EXPH5: variants seen among roughly 807,000 people sequenced by gnomAD.
EXPH5 encodes the protein exophilin 5.
In EXPH5, 42 loss-of-function variants were observed where a neutral mutation model predicts 41.1. That is an observed-to-expected ratio of 1.02 (90% CI 0.80 to 1.32). EXPH5 has a LOEUF of 1.32. EXPH5 is among the 40% of genes most tolerant of loss of function. EXPH5 has a pLI of 0.00. For synonymous variants in EXPH5, 798 were observed against 833.5 expected (o/e 0.96, Z 0.73); for missense variants, 2,298 against 2,314.5 (o/e 0.99, Z 0.15).
intron 4 of EXPH5, among the ~76,000 whole-genome samples, chr11:108,526,735 A>C (rs2093801968): frequency 6.6e-6 from 1 of 152,184 alleles, no homozygotes; most frequent in South Asian, 2.1e-4. Flanking sequence ...GAGTTCCAAA[A>C]ACCCAGGCTT....
chr11:108,543,434 T>C (rs1677775759), intron 1 of EXPH5, among the ~76,000 whole-genome samples: 3 of 152,204 alleles, frequency 2.0e-5, no homozygotes, highest in African/African-American at 4.8e-5. Context: ...GTTTGAAGAA[T>C]GATGACAAGG....
At chr11:108,537,887 C>T in intron 3 of EXPH5, 1 of 709,402 alleles carries the variant, frequency 1.4e-6, no homozygotes, top group Non-Finnish European at 1.7e-6. Flanking sequence ...GGGCAAGAAA[C>T]ACTTCTCAAT....
the EXPH5 span, among the ~76,000 whole-genome samples, chr11:108,599,576 A>C: frequency 6.6e-6 from 1 of 152,228 alleles, no homozygotes; most frequent in African/African-American, 2.4e-5. Flanking sequence ...AAACTGCTTT[A>C]CAGAAATAAG....
chr11:108,579,329 A>G (rs1245954724), intron 1 of EXPH5, among the ~76,000 whole-genome samples: 1 of 152,032 alleles, frequency 6.6e-6, no homozygotes, highest in Admixed American at 6.5e-5. Context: ...TAACTTGCAT[A>G]TGTTGAACCA....
rs2093914475 is a variant in EXPH5, at chr11:108,541,791, C to T, written c.141G>A (p.Arg47=). The T allele has an allele frequency of 1.3e-6, 2 of 1,598,658 alleles. No individual in the cohort carries two copies. The highest frequency in any genetic ancestry group is 2.3e-5 in the South Asian group (2 of 87,072). Residue 47 remains arginine, a synonymous_variant, in exon 2 of 6, where the codon AGG becomes AGA. Coordinates refer to ENST00000265843, the MANE Select transcript of EXPH5 (RefSeq NM_015065.3). ...TCACTCCCTGAAGCCATCTGATATC[C>T]CTCTTTGTCTTCTGAAGTTTGCTGA... ...DRISKLQKTK[R]DIRWLQGVTG... is the part of the protein sequence containing the mutation.
intron 1 of EXPH5, among the ~76,000 whole-genome samples, chr11:108,571,523 C>T (rs986437562): frequency 1.3e-5 from 2 of 152,090 alleles, no homozygotes; most frequent in Non-Finnish European, 2.9e-5. Context: ...TTTTTTTACT[C>T]TGAGGCGTGA....
chr11:108,578,767 C>T (rs1393220030), intron 1 of EXPH5, among the ~76,000 whole-genome samples: 1 of 151,950 alleles, frequency 6.6e-6, no homozygotes, highest in Non-Finnish European at 1.5e-5. Flanking sequence ...TAAGTTTATT[C>T]CTTTATTTGT....
At position 108,514,121 on chromosome 11, in the gene EXPH5, GAAGA is replaced by G; in HGVS notation, c.1382_1385del (p.Phe461SerfsTer48). The G allele has an allele frequency of 2.5e-6, 4 of 1,613,672 alleles. No homozygotes were observed. The highest frequency in any genetic ancestry group is 3.4e-6 in the Non-Finnish European group (4 of 1,179,824). ...CTCCGCTTCGTCCAAAGGTATTGCT[GAAGA>G]AAGATCTGGTAAATGTGTTGCTTTG... On this transcript the variant is annotated frameshift_variant, in exon 6 of 6. Transcript: ENST00000265843. LOFTEE classifies it low-confidence loss of function (END_TRUNC).
intron 1 of EXPH5, among the ~76,000 whole-genome samples, chr11:108,577,371 T>A (rs2094083269): frequency 6.6e-6 from 1 of 152,152 alleles, no homozygotes; most frequent in Non-Finnish European, 1.5e-5. Flanking sequence ...CATCTGTTAT[T>A]TTCTGTCTTT....
chr11:108,514,230 C>T lies in EXPH5; in HGVS notation c.1277G>A (p.Arg426His), dbSNP rs201566549. The change falls in exon 6 of 6, where the codon CGT (arginine) becomes CAT (histidine). Residue 426 changes from arginine (R) to histidine (H), a missense_variant. Arg to His is a conservative substitution (Grantham distance 29). Coordinates refer to ENST00000265843, the MANE Select transcript of EXPH5 (RefSeq NM_015065.3). ...ESYHSQNVYQ[R>H]VSLNAPMENA... ...CTCCATGGGAGCATTTAAACTAACA[C>T]GTTGGTAAACATTCTGTGAATGGTA... 35 of 1,614,092 alleles carry T rather than the reference C, an allele frequency of 2.2e-5. No individual in the cohort carries two copies. Among genetic ancestry groups the T allele is most frequent in the Non-Finnish European group, 2.8e-5 (33 of 1,180,054 alleles).
chr11:108,597,470 A>C (rs1051491078), upstream of EXPH5, among the ~76,000 whole-genome samples: 2 of 152,268 alleles, frequency 1.3e-5, no homozygotes, highest in African/African-American at 4.8e-5. Flanking sequence ...TTATCATTAG[A>C]TCAAAGTAAT....
intron 1 of EXPH5, among the ~76,000 whole-genome samples, chr11:108,580,890 T>C (rs1336777837): frequency 2.0e-5 from 3 of 152,236 alleles, no homozygotes; most frequent in Middle Eastern, 3.4e-3. Context: ...TAGAAGATAT[T>C]AGAGGCTGGG....
rs544909559 is a variant in EXPH5, at chr11:108,530,070, A to T, written c.444-1886T>A. Among the ~76,000 whole-genome samples, 45 of 152,330 alleles carry T rather than the reference A, an allele frequency of 3.0e-4. No homozygotes were observed. In the East Asian group the frequency reaches 8.3e-3, roughly 28 times the overall value. On this transcript the variant is annotated intron_variant, in intron 3 of 5. Coordinates refer to ENST00000265843, the MANE Select transcript of EXPH5 (RefSeq NM_015065.3). ...AAAACCTGGGAGACCAAATACTCTT[A>T]TACCCTTAAGATAACCACATGTATT... is the stretch of plus-strand genomic sequence containing the variant.
At position 108,511,449 on chromosome 11, in the gene EXPH5, G is replaced by C. The variant is rs764220052; in HGVS notation, c.4058C>G (p.Ala1353Gly). 3.1e-5 allele frequency: 49 copies of C among 1,584,646 alleles called. No homozygotes were observed. The African/African-American group carries it at 5.6e-4, about 18-fold the overall frequency. Residue 1353 changes from alanine (A) to glycine (G), a missense_variant, in exon 6 of 6, where the codon GCT becomes GGT. Ala to Gly is a moderately conservative substitution (Grantham distance 60). Transcript: ENST00000265843. ...TLQEMASVEA[A>G]VSLPEEESKA... ...AGATTCCTCTTCAGGAAGAGAAACA[G>C]CTGCCTCAACAGAAGCCATTTCCTG...
At chr11:108,594,274 C>T (rs2094135410), upstream of EXPH5, among the ~76,000 whole-genome samples, 1 of 152,328 alleles carries the variant, frequency 6.6e-6, no homozygotes, top group South Asian at 2.1e-4. Context: ...CCCACCTCCA[C>T]TGTCCCACAA....
intron 4 of EXPH5, among the ~76,000 whole-genome samples, chr11:108,526,088 A>C (rs142774132): frequency 0.01 from 1,588 of 151,834 alleles, 30 homozygotes; most frequent in African/African-American, 0.036. Context: ...CTAATTAAAA[A>C]AAATTTTTTT....
At chr11:108,569,164 G>C (rs933820521) in intron 1 of EXPH5, among the ~76,000 whole-genome samples, 1 of 151,990 alleles carries the variant, frequency 6.6e-6, no homozygotes, top group Non-Finnish European at 1.5e-5. Flanking sequence ...TCCACTTGCT[G>C]TTCACTTCAC....
At chr11:108,594,130 G>T (rs1330222025), upstream of EXPH5, among the ~76,000 whole-genome samples, 2 of 152,182 alleles carry the variant, frequency 1.3e-5, no homozygotes, top group Middle Eastern at 3.4e-3. Context: ...CTGGCAAAAG[G>T]GTTACTTATC....
At chr11:108,583,034 G>T (rs565148413) in intron 1 of EXPH5, among the ~76,000 whole-genome samples, 21 of 152,128 alleles carry the variant, frequency 1.4e-4, no homozygotes, top group Middle Eastern at 3.4e-3. Flanking sequence ...TTTTTTGGAG[G>T]ACAGTTCAAC....
Sources: allele counts gnomAD v4.1 joint callset (sites outside exome capture counted in the v4.1 genomes callset), GRCh38; gene constraint gnomAD v4.1.1; transcripts MANE v1.5; gene names NCBI Gene and HGNC (gene_info 2026-07-23, HGNC 2026-07-21).